Variants in ASTN2 observed in about 807,000 individuals in gnomAD.
ASTN2 encodes the protein astrotactin 2.
ASTN2 carries 54 observed loss-of-function variants against 139.8 expected under a neutral mutation model. The observed-to-expected ratio is 0.39, with a 90% CI of 0.31 to 0.48. ASTN2 has a LOEUF of 0.48. ASTN2 is among the 20% of genes least tolerant of loss of function. The probability of loss-of-function intolerance (pLI) is 0.95; values close to 1 mark genes in which losing one functional copy is unlikely to be tolerated. For missense variants in ASTN2, 1,565 were observed against 1,725.1 expected, an observed-to-expected ratio of 0.91 and a Z score of 1.64; for synonymous variants, 756 against 719.5, an observed-to-expected ratio of 1.05 and a Z score of -0.81.
chr9:117,408,742 G>A (rs1369226415), intron 1 of ASTN2, among the ~76,000 whole-genome samples: 2 of 152,232 alleles, frequency 1.3e-5, no homozygotes, highest in African/African-American at 4.8e-5. Flanking sequence ...AGCAAATCTG[G>A]TCCACCTTGA....
chr9:117,098,778 TAAA>T (rs34559407), intron 4 of ASTN2, among the ~76,000 whole-genome samples: 1 of 141,972 alleles, frequency 7.0e-6, no homozygotes, highest in African/African-American at 2.6e-5. Flanking sequence ...ATTTTACTGT[TAAA>T]AAAAAAAAAA....
At chr9:116,656,250 C>T (rs183732504) in intron 16 of ASTN2, among the ~76,000 whole-genome samples, 6 of 152,162 alleles carry the variant, frequency 3.9e-5, no homozygotes, top group South Asian at 2.1e-4. Context: ...ATCCAAGCAT[C>T]GATGAACCTA....
chr9:116,668,843 C>T (rs1319541420), intron 16 of ASTN2, among the ~76,000 whole-genome samples: 2 of 152,062 alleles, frequency 1.3e-5, no homozygotes, highest in African/African-American at 2.4e-5. Context: ...GCTTAGTGGG[C>T]TAGAAATGAC....
chr9:117,299,252 A>G (rs1225698201), intron 1 of ASTN2, among the ~76,000 whole-genome samples: 2 of 152,160 alleles, frequency 1.3e-5, no homozygotes, highest in African/African-American at 4.8e-5. Context: ...TATACTGACT[A>G]TATTTTACCT....
intron 10 of ASTN2, among the ~76,000 whole-genome samples, chr9:116,966,034 G>C (rs917238552): frequency 6.6e-6 from 1 of 152,118 alleles, no homozygotes; most frequent in Admixed American, 6.5e-5. Flanking sequence ...TTGGGGTCAG[G>C]CTTCAAACCC....
intron 2 of ASTN2, among the ~76,000 whole-genome samples, chr9:117,282,759 T>C (rs1188323754): frequency 6.7e-6 from 1 of 148,346 alleles, no homozygotes; most frequent in East Asian, 1.9e-4. Flanking sequence ...TCAGCCAAAG[T>C]ACCAGAAGGA....
At chr9:116,595,332 C>CTGTTGT (rs60542068) in intron 19 of ASTN2, among the ~76,000 whole-genome samples, 17,897 of 151,476 alleles carry the variant, frequency 0.12, 1,175 homozygotes, top group Non-Finnish European at 0.14. Flanking sequence ...CTTGTTGTTG[C>CTGTTGT]TGTTGTTGTT....
chr9:117,128,500 T>G (rs1248860848), intron 4 of ASTN2, among the ~76,000 whole-genome samples: 1 of 151,388 alleles, frequency 6.6e-6, no homozygotes, highest in African/African-American at 2.4e-5. Flanking sequence ...TCTTGTGGCC[T>G]CTGACTGCAT....
At chr9:116,507,087 G>C (rs958062377) in intron 19 of ASTN2, among the ~76,000 whole-genome samples, 4 of 152,106 alleles carry the variant, frequency 2.6e-5, no homozygotes, top group Non-Finnish European at 5.9e-5. Flanking sequence ...ATACATAATC[G>C]CTTTAACATT....
At chr9:116,569,541 C>T (rs1853406131) in intron 19 of ASTN2, among the ~76,000 whole-genome samples, 1 of 152,196 alleles carries the variant, frequency 6.6e-6, no homozygotes, top group Non-Finnish European at 1.5e-5. Context: ...ACGACAGACA[C>T]TCAGTGATAC....
rs1309074243 is a variant in ASTN2, at chr9:117,060,463, A to T, written c.1277-20498T>A. 3.8e-5 allele frequency among the ~76,000 whole-genome samples: 2 copies of T among 52,592 alleles called. 1 individual carries two copies. The highest frequency in any genetic ancestry group is 7.5e-5 in the Non-Finnish European group (2 of 26,764). The allele number at this position is 52,592 out of a possible 152,430, so 34.5% of individuals were successfully genotyped here. A position where few individuals can be genotyped will look rare whatever the true frequency, so the allele number is the denominator to read the frequency against. On this transcript the variant is annotated intron_variant, in intron 5 of 22. Transcript: ENST00000313400. ...GAGAGAGAAAGAAAGAAAGAAAGGA[A>T]GGAAGGAAGGAAGGAAGGAAGGAAT...
chr9:116,743,194 G>T (rs1829140246), intron 13 of ASTN2, among the ~76,000 whole-genome samples: 1 of 152,128 alleles, frequency 6.6e-6, no homozygotes, highest in Non-Finnish European at 1.5e-5. Flanking sequence ...CTGGTGGGGA[G>T]TTGAACTTTG....
At chr9:116,690,704 C>T (rs911108197) in intron 16 of ASTN2, among the ~76,000 whole-genome samples, 4 of 152,076 alleles carry the variant, frequency 2.6e-5, no homozygotes, top group African/African-American at 9.7e-5. Flanking sequence ...GGATTTGAAT[C>T]CTTGCTCTAT....
chr9:117,338,490 T>C (rs1249792912), intron 1 of ASTN2, among the ~76,000 whole-genome samples: 1 of 152,232 alleles, frequency 6.6e-6, no homozygotes, highest in Admixed American at 6.5e-5. Flanking sequence ...ATGCCCCATC[T>C]TGTGCTGGGC....
In ASTN2 at chr9:117,016,595, TATATATATCTATATCTATATCTATCTATC is replaced by T. The variant is rs1564385570; in HGVS notation, c.1424-8365_1424-8337del. The stretch of plus-strand genomic sequence containing the variant: ...GGGATTTGGGGTATTCTAGGTTTTA[TATATATATCTATATCTATATCTATCTATC>T]TATATATATATATATATATATATAT... On this transcript the variant is annotated intron_variant, in intron 6 of 22. Coordinates refer to ENST00000313400, the MANE Select transcript of ASTN2 (RefSeq NM_001365068.1). Among the ~76,000 whole-genome samples, 146 of 49,222 alleles carry T rather than the reference TATATATATCTATATCTATATCTATCTATC, an allele frequency of 3.0e-3. 7 individuals are homozygous for T. The highest frequency in any genetic ancestry group is 4.8e-3 in the African/African-American group (33 of 6,836). 32.3% of individuals were successfully genotyped at this position (49,222 alleles called of 152,430 possible). A position where few individuals can be genotyped will look rare whatever the true frequency, so the allele number is the denominator to read the frequency against.
chr9:117,287,289 AC>A (rs1834474248), intron 2 of ASTN2, among the ~76,000 whole-genome samples: 1 of 152,230 alleles, frequency 6.6e-6, no homozygotes, highest in Admixed American at 6.5e-5. Context: ...AGTGATAGAG[AC>A]ATTATTCAAC....
intron 13 of ASTN2, among the ~76,000 whole-genome samples, chr9:116,781,430 C>G (rs1448622219): frequency 6.6e-6 from 1 of 152,146 alleles, no homozygotes; most frequent in Non-Finnish European, 1.5e-5. Flanking sequence ...TTAAAGCAGA[C>G]AGGAAATTGG....
chr9:117,181,457 C>T (rs561108777), intron 3 of ASTN2, among the ~76,000 whole-genome samples: 60 of 152,330 alleles, frequency 3.9e-4, no homozygotes, highest in African/African-American at 1.4e-3. Context: ...CCCTCTATAA[C>T]CTAGCACTTA....
chr9:117,110,660 C>T (rs1314739725), intron 4 of ASTN2, among the ~76,000 whole-genome samples: 1 of 152,160 alleles, frequency 6.6e-6, no homozygotes, highest in African/African-American at 2.4e-5. Flanking sequence ...AAAATACTAC[C>T]TGAGGGCTCC....
Sources: gnomAD v4.1 joint callset for allele counts (sites outside exome capture counted in the v4.1 genomes callset) on GRCh38, gnomAD v4.1.1 for gene constraint, MANE v1.5 for transcripts, NCBI Gene and HGNC (gene_info 2026-07-23, HGNC 2026-07-21) for gene names.